Variants in MALRD1 observed in about 807,000 individuals in gnomAD.
The protein encoded by MALRD1 is MAM and LDL receptor class A domain containing 1.
A neutral mutation model predicts 242.1 loss-of-function variants in MALRD1; 247 were observed. The observed-to-expected ratio is 1.02, with a 90% confidence interval of 0.92 to 1.13. The LOEUF (loss-of-function observed/expected upper bound fraction) is 1.13, where lower values mean the gene tolerates loss of function less well. Ranked by LOEUF, MALRD1 falls within the 50% of genes most tolerant of loss-of-function variation. MALRD1 has a pLI of 0.00. For synonymous variants in MALRD1, 995 were observed against 866.6 expected (o/e 1.15, Z -2.60); for missense variants, 2,989 against 2,533.1 (o/e 1.18, Z -3.86).
chr10:19,654,976 TA>T (rs1841075358), intron 36 of MALRD1, among the ~76,000 whole-genome samples: 2 of 152,264 alleles, frequency 1.3e-5, no homozygotes, highest in Middle Eastern at 3.4e-3. Flanking sequence ...TTCCTATTAA[TA>T]ATAAGTTTAA....
intron 28 of MALRD1, among the ~76,000 whole-genome samples, chr10:19,447,109 G>A (rs1457034675): frequency 6.6e-6 from 1 of 150,958 alleles, no homozygotes; most frequent in Admixed American, 6.6e-5. Context: ...CACAGAGCAT[G>A]AGCAAGACTG....
chr10:19,223,451 T>C (rs189405379), intron 18 of MALRD1, among the ~76,000 whole-genome samples: 1 of 152,256 alleles, frequency 6.6e-6, no homozygotes. Context: ...ACATACATTC[T>C]ATCTTGCTTT....
intron 32 of MALRD1, among the ~76,000 whole-genome samples, chr10:19,557,673 A>G (rs949279630): frequency 2.6e-5 from 4 of 152,010 alleles, no homozygotes; most frequent in Admixed American, 2.0e-4. Context: ...CTTGATTACT[A>G]TAGCCTTATA....
chr10:19,570,940 A>C (rs1836503033), intron 33 of MALRD1, among the ~76,000 whole-genome samples: 1 of 152,110 alleles, frequency 6.6e-6, no homozygotes, highest in Admixed American at 6.6e-5. Flanking sequence ...TGATACATAT[A>C]ATTATTAGAA....
At position 19,175,339 on chromosome 10, in the gene MALRD1, C is replaced by A. The variant is rs1233182061; in HGVS notation, c.1951+11C>A. On this transcript the variant is annotated intron_variant, in intron 14 of 39. Transcript: ENST00000454679. ...GTACACAAAGCAAGTGTAAGTTTTT[C>A]CTTGTCGTTGTTGCTGTTTTAAACA... The A allele has an allele frequency of 1.6e-6, 2 of 1,228,526 alleles. No homozygotes were observed. Among genetic ancestry groups the A allele is most frequent in the East Asian group, 6.4e-5 (2 of 31,450 alleles). The allele number at this position is 1,228,526 out of a possible 1,614,324, so 76.1% of individuals were successfully genotyped here.
At chr10:19,554,478 T>C (rs946909256) in intron 32 of MALRD1, among the ~76,000 whole-genome samples, 4 of 152,104 alleles carry the variant, frequency 2.6e-5, no homozygotes, top group African/African-American at 9.7e-5. Context: ...TTGCTGCACC[T>C]ATCAACCTAT....
chr10:19,399,357 G>T (rs564790222), intron 28 of MALRD1, among the ~76,000 whole-genome samples: 2 of 152,098 alleles, frequency 1.3e-5, no homozygotes, highest in African/African-American at 2.4e-5. Flanking sequence ...TTGAAAAATT[G>T]TAACAGTTTT....
rs73595878 is a variant in MALRD1 at position 19,627,712 on chromosome 10, G to A, written c.6137+11789G>A. 2.9e-3 allele frequency among the ~76,000 whole-genome samples: 408 copies of A among 142,644 alleles called. 3 individuals are homozygous for A. Among genetic ancestry groups the A allele is most frequent in the African/African-American group, 0.01 (391 of 37,360 alleles). The allele number at this position is 142,644 out of a possible 152,430, so 93.6% of individuals were successfully genotyped here. On this transcript the variant is annotated intron_variant, in intron 36 of 39. Transcript: ENST00000454679. The stretch of plus-strand genomic sequence containing the variant: ...GTGGGCAGAGGTTTCGCAGTGAGCC[G>A]ATATTCCACCACTGCACTCCAGCCT...
intron 4 of MALRD1, among the ~76,000 whole-genome samples, chr10:19,094,300 C>G (rs572602667): frequency 9.8e-6 from 1 of 101,546 alleles, no homozygotes. Context: ...CGTGGTGCGC[C>G]GTTTTTTAAG....
chr10:19,657,744 T>C (rs754369813), intron 36 of MALRD1, among the ~76,000 whole-genome samples: 6 of 152,138 alleles, frequency 3.9e-5, no homozygotes, highest in African/African-American at 7.2e-5. Context: ...TAATTATTAT[T>C]GACTATAGCC....
chr10:19,069,023 G>C (rs1475818037), intron 2 of MALRD1, among the ~76,000 whole-genome samples: 1 of 152,020 alleles, frequency 6.6e-6, no homozygotes, highest in African/African-American at 2.4e-5. Context: ...ATACATCTTT[G>C]TAAGGATGGT....
intron 29 of MALRD1, among the ~76,000 whole-genome samples, chr10:19,479,109 A>G (rs1478651629): frequency 6.6e-6 from 1 of 152,224 alleles, no homozygotes; most frequent in Non-Finnish European, 1.5e-5. Context: ...TGATCACTCA[A>G]AAGATATCTA....
chr10:19,149,905 C>G (rs1232301272), intron 11 of MALRD1, among the ~76,000 whole-genome samples: 1 of 152,164 alleles, frequency 6.6e-6, no homozygotes, highest in Non-Finnish European at 1.5e-5. Context: ...TATGCCTGTT[C>G]CAGAATGTCT....
chr10:19,731,525 A>G (rs1835297333), intron 39 of MALRD1, among the ~76,000 whole-genome samples: 1 of 146,974 alleles, frequency 6.8e-6, no homozygotes, highest in South Asian at 2.1e-4. Flanking sequence ...TGTGTGCTGA[A>G]AACATTTAGG....
At chr10:19,602,467 T>C (rs183982374) in intron 34 of MALRD1, among the ~76,000 whole-genome samples, 21 of 151,518 alleles carry the variant, frequency 1.4e-4, no homozygotes, top group Admixed American at 1.3e-3. Flanking sequence ...TTCCTTGCGA[T>C]AGTTTGCTGA....
chr10:19,695,031 T>C (rs922446759), intron 38 of MALRD1, among the ~76,000 whole-genome samples: 3 of 151,932 alleles, frequency 2.0e-5, no homozygotes, highest in Non-Finnish European at 2.9e-5. Flanking sequence ...ATGAGAACAC[T>C]TGGACAGAGG....
In MALRD1 at chr10:19,542,401, A is replaced by G. The variant is rs182683374; in HGVS notation, c.5478+11050A>G. The stretch of plus-strand genomic sequence containing the variant: ...ATTTTCTGTCATAAAATAACAAAAT[A>G]TTTTCATTTGTTTTAATAATTATAT... On this transcript the variant is annotated intron_variant, in intron 32 of 39. Coordinates refer to ENST00000454679, the MANE Select transcript of MALRD1 (RefSeq NM_001142308.3). Among the ~76,000 whole-genome samples the G allele has an allele frequency of 6.4e-3, 968 of 152,016 alleles. 12 individuals are homozygous for G. The highest frequency in any genetic ancestry group is 0.022 in the African/African-American group (928 of 41,524).
At chr10:19,542,359 G>A (rs973259476) in intron 32 of MALRD1, among the ~76,000 whole-genome samples, 2 of 151,860 alleles carry the variant, frequency 1.3e-5, no homozygotes, top group African/African-American at 4.8e-5. Flanking sequence ...TGGGTTTAAT[G>A]CCTCATTTAG....
At chr10:19,633,840 CTTTTT>C (rs1041174965) in intron 36 of MALRD1, 2 of 126,534 alleles carry the variant, frequency 1.6e-5, no homozygotes, top group Non-Finnish European at 1.6e-5. Flanking sequence ...TCTTTTCTTT[CTTTTT>C]TTTTTTTTTT....
Sources: allele counts gnomAD v4.1 joint callset (sites outside exome capture counted in the v4.1 genomes callset), GRCh38; gene constraint gnomAD v4.1.1; transcripts MANE v1.5; gene names NCBI Gene and HGNC (gene_info 2026-07-23, HGNC 2026-07-21).